ADCK1: variants seen among roughly 807,000 people sequenced by gnomAD.
ADCK1 encodes the protein aarF domain containing kinase 1, also known as aarF domain-containing protein kinase 1.
A neutral mutation model predicts 52.3 loss-of-function variants in ADCK1; 41 were observed. The observed-to-expected ratio is 0.78, with a 90% CI of 0.61 to 1.02. ADCK1 has a LOEUF of 1.02. Ranked by LOEUF, ADCK1 falls within the 50% of genes least tolerant of loss-of-function variation. The probability of loss-of-function intolerance (pLI) is 0.00; values close to 1 mark genes in which losing one functional copy is unlikely to be tolerated. For synonymous variants in ADCK1, 250 were observed against 274.6 expected (o/e 0.91, Z 0.89); for missense variants, 658 against 679.5 (o/e 0.97, Z 0.35).
chr14:77,913,315 T>TCAC (rs1412374030), intron 7 of ADCK1, among the ~76,000 whole-genome samples: 1 of 152,190 alleles, frequency 6.6e-6, no homozygotes, highest in African/African-American at 2.4e-5. Flanking sequence ...CCATCTGCGC[T>TCAC]CACCCTGCTG....
intron 5 of ADCK1, among the ~76,000 whole-genome samples, chr14:77,894,888 G>A (rs58891740): frequency 2.0e-5 from 3 of 151,556 alleles, no homozygotes; most frequent in Admixed American, 1.3e-4. Flanking sequence ...GAGTAGCTGA[G>A]ATTACAGGCA....
At chr14:77,900,495 G>A (rs2083510605) in intron 6 of ADCK1, 1 of 422,258 alleles carries the variant, frequency 2.4e-6, no homozygotes, top group South Asian at 1.7e-5. Flanking sequence ...GCTGAGACAG[G>A]AGAATCGCTT....
rs752483597 is a variant in ADCK1, at chr14:77,887,080, A to G, written c.424-11A>G. On this transcript the variant is annotated splice_polypyrimidine_tract_variant and intron_variant, in intron 4 of 10. Transcript: ENST00000238561. Reference sequence around the variant, plus strand: ...TCTTTTTCATTGCTCTGTTCTCTCCACTCCCGACAGATCCATGATTTGTTC... The same window carrying G: ...TCTTTTTCATTGCTCTGTTCTCTCCGCTCCCGACAGATCCATGATTTGTTC... 12 of 1,563,270 alleles carry G rather than the reference A, an allele frequency of 7.7e-6. No individual in the cohort carries two copies. Among genetic ancestry groups the G allele is most frequent in the Non-Finnish European group, 1.0e-5 (12 of 1,155,944 alleles).
rs2083704918 is a variant in ADCK1 at position 77,907,917 on chromosome 14, G to A, written c.856G>A (p.Glu286Lys). The change falls in exon 7 of 11, where the codon GAG (glutamate) becomes AAG (lysine). Residue 286 changes from glutamate (E) to lysine (K), a missense_variant and splice_region_variant. Transcript: ENST00000238561. ...YMERNKIDVN[E>K]ISRHLGKMYS... ...GGAGAGGAACAAGATCGACGTCAATGAGGTGAGGTCAAGAGCTCAGGGCTG... is the reference window on the plus strand; with the variant it reads ...GGAGAGGAACAAGATCGACGTCAATAAGGTGAGGTCAAGAGCTCAGGGCTG... The A allele has an allele frequency of 6.2e-7, 1 of 1,613,448 alleles. No homozygotes were observed. The highest frequency in any genetic ancestry group is 1.3e-5 in the African/African-American group (1 of 75,058).
intron 4 of ADCK1, among the ~76,000 whole-genome samples, chr14:77,865,192 C>T (rs1223181781): frequency 6.6e-6 from 1 of 151,808 alleles, no homozygotes; most frequent in Non-Finnish European, 1.5e-5. Context: ...AAAATACCCT[C>T]ACACAGCTGA....
At chr14:77,922,705 G>A (rs1487849579) in intron 7 of ADCK1, among the ~76,000 whole-genome samples, 1 of 152,188 alleles carries the variant, frequency 6.6e-6, no homozygotes, top group Admixed American at 6.5e-5. Flanking sequence ...GTGAATCTTG[G>A]CTCGACCCTT....
chr14:77,809,759 G>A (rs1324545159), intron 1 of ADCK1, among the ~76,000 whole-genome samples: 2 of 151,792 alleles, frequency 1.3e-5, no homozygotes, highest in African/African-American at 4.8e-5. Flanking sequence ...GAGAGGCTGG[G>A]TGTGGTGGTT....
chr14:77,828,814 A>G (rs1169149307), intron 3 of ADCK1, among the ~76,000 whole-genome samples: 1 of 152,116 alleles, frequency 6.6e-6, no homozygotes, highest in East Asian at 1.9e-4. Context: ...GGCGTGAGCC[A>G]CTGCGCCCAG....
At chr14:77,867,751 C>T (rs902933933) in intron 4 of ADCK1, among the ~76,000 whole-genome samples, 3 of 152,210 alleles carry the variant, frequency 2.0e-5, no homozygotes, top group South Asian at 2.1e-4. Flanking sequence ...GCCCTGCTCC[C>T]GGCCTGTGTC....
At chr14:77,841,281 C>T (rs1367180722) in intron 3 of ADCK1, among the ~76,000 whole-genome samples, 6 of 152,124 alleles carry the variant, frequency 3.9e-5, no homozygotes, top group Admixed American at 6.5e-5. Context: ...CAAAATGAGA[C>T]GAGAGAGACT....
At chr14:77,818,362 G>A (rs2081508296) in intron 1 of ADCK1, among the ~76,000 whole-genome samples, 1 of 151,856 alleles carries the variant, frequency 6.6e-6, no homozygotes. Context: ...GCTCACTGCA[G>A]TCTCCTCCTC....
intron 1 of ADCK1, among the ~76,000 whole-genome samples, chr14:77,815,055 ATT>A (rs780290432): frequency 1.2e-4 from 17 of 136,996 alleles, no homozygotes; most frequent in African/African-American, 1.6e-4. Context: ...CGCCCAGCTA[ATT>A]TTTTTTTTTT....
chr14:77,916,537 T>C (rs2140277413), intron 7 of ADCK1, among the ~76,000 whole-genome samples: 1 of 152,310 alleles, frequency 6.6e-6, no homozygotes, highest in East Asian at 1.9e-4. Flanking sequence ...CACCACAGCC[T>C]GGATCTCCCC....
chr14:77,911,732 CTTT>C (rs572112070), intron 7 of ADCK1, among the ~76,000 whole-genome samples: 2 of 139,074 alleles, frequency 1.4e-5, no homozygotes. Flanking sequence ...CCCCAGCTTT[CTTT>C]TTTTTTTTTT....
At chr14:77,933,091 G>A in intron 10 of ADCK1, 129 bp from the exon 11 acceptor site, 1 of 844,628 alleles carries the variant, frequency 1.2e-6, no homozygotes, top group Non-Finnish European at 1.8e-6. Context: ...CTGTATCCAA[G>A]AGTAGTCCCT....
intron 5 of ADCK1, among the ~76,000 whole-genome samples, chr14:77,890,301 C>A (rs945498241): frequency 9.2e-5 from 14 of 152,162 alleles, no homozygotes; most frequent in African/African-American, 3.4e-4. Context: ...TTAACTGGGG[C>A]TGTGGGCCAG....
chr14:77,813,767 G>GTTTTT (rs539507254), intron 1 of ADCK1, among the ~76,000 whole-genome samples: 1 of 146,612 alleles, frequency 6.8e-6, no homozygotes, highest in African/African-American at 2.5e-5. Flanking sequence ...TTGTTTTCCT[G>GTTTTT]TTTTTTTTTT....
chr14:77,806,787 T>C (rs969164477), intron 1 of ADCK1, among the ~76,000 whole-genome samples: 5 of 152,066 alleles, frequency 3.3e-5, no homozygotes, highest in African/African-American at 1.2e-4. Flanking sequence ...TGGTCCCAGC[T>C]CACTGCAACC....
chr14:77,870,264 G>A (rs2082747943), intron 4 of ADCK1, among the ~76,000 whole-genome samples: 1 of 152,234 alleles, frequency 6.6e-6, no homozygotes, highest in African/African-American at 2.4e-5. Flanking sequence ...AGCAGAACCA[G>A]GATTTGAGCT....
Sources: allele counts gnomAD v4.1 joint callset (sites outside exome capture counted in the v4.1 genomes callset), GRCh38; gene constraint gnomAD v4.1.1; transcripts MANE v1.5; gene names NCBI Gene and HGNC (gene_info 2026-07-23, HGNC 2026-07-21).